The following OSBPL10 variants were observed in gnomAD, a reference collection of about 807,000 sequenced individuals.
OSBPL10 encodes oxysterol binding protein like 10, also known as oxysterol-binding protein-related protein 10.
Under a neutral mutation model 81.7 loss-of-function variants are expected in OSBPL10, and 49 were observed. The observed-to-expected ratio is 0.60, with a 90% CI of 0.48 to 0.76. The LOEUF (loss-of-function observed/expected upper bound fraction) is 0.76, where lower values mean the gene tolerates loss of function less well. OSBPL10 is among the 30% of genes least tolerant of loss of function. The pLI is 0.00. For missense variants in OSBPL10, 923 were observed against 987.8 expected, an observed-to-expected ratio of 0.93 and a Z score of 0.88; for synonymous variants, 419 against 383.6, an observed-to-expected ratio of 1.09 and a Z score of -1.08.
intron 1 of OSBPL10, among the ~76,000 whole-genome samples, chr3:32,052,784 C>A (rs1699678463): frequency 6.6e-6 from 1 of 151,780 alleles, no homozygotes; most frequent in African/African-American, 2.4e-5. Context: ...AGGGGAACAT[C>A]ATACATTGGG....
At chr3:32,011,975 C>T (rs1347109816) in intron 2 of OSBPL10, among the ~76,000 whole-genome samples, 1 of 152,168 alleles carries the variant, frequency 6.6e-6, no homozygotes, top group Non-Finnish European at 1.5e-5. Flanking sequence ...GATTGGTGTA[C>T]CTGAAAGTGA....
chr3:32,037,168 G>C (rs544070079), intron 2 of OSBPL10, among the ~76,000 whole-genome samples: 1 of 152,188 alleles, frequency 6.6e-6, no homozygotes, highest in African/African-American at 2.4e-5. Flanking sequence ...TACGTACCCC[G>C]TGTGACAGAG....
intron 1 of OSBPL10, among the ~76,000 whole-genome samples, chr3:31,927,799 G>A (rs1051424721): frequency 1.4e-4 from 21 of 152,212 alleles, no homozygotes; most frequent in Admixed American, 5.2e-4. Context: ...TAAAACATGC[G>A]TAAAGAGGCT....
intron 5 of OSBPL10, among the ~76,000 whole-genome samples, chr3:31,745,500 A>G (rs950790765): frequency 2.0e-5 from 3 of 152,234 alleles, no homozygotes; most frequent in Non-Finnish European, 4.4e-5. Flanking sequence ...TTTTAAAAAC[A>G]TGTATACATC....
intron 3 of OSBPL10, among the ~76,000 whole-genome samples, chr3:31,864,562 T>C (rs1311524911): frequency 3.3e-5 from 5 of 152,010 alleles, no homozygotes. Context: ...ATATAAAGTA[T>C]ATGAGCTTTA....
chr3:31,998,444 C>T (rs1699112155), intron 2 of OSBPL10, among the ~76,000 whole-genome samples: 2 of 152,118 alleles, frequency 1.3e-5, no homozygotes, highest in Non-Finnish European at 2.9e-5. Context: ...AGATGGTTGT[C>T]CCCCAGCATC....
intron 1 of OSBPL10, among the ~76,000 whole-genome samples, chr3:31,898,418 A>AT (rs1022539780): frequency 1.3e-5 from 2 of 152,080 alleles, no homozygotes; most frequent in Non-Finnish European, 2.9e-5. Flanking sequence ...CATTGAAAAT[A>AT]TTTTTTAAAA....
intron 1 of OSBPL10, among the ~76,000 whole-genome samples, chr3:31,976,987 C>A (rs572241610): frequency 6.6e-6 from 1 of 152,162 alleles, no homozygotes; most frequent in Non-Finnish European, 1.5e-5. Context: ...ATGAGCAACT[C>A]CAAAATAGCT....
chr3:31,880,401 T>TG (rs1695527118), intron 1 of OSBPL10, among the ~76,000 whole-genome samples: 1 of 152,242 alleles, frequency 6.6e-6, no homozygotes, highest in Admixed American at 6.5e-5. Context: ...GGAATCCCCC[T>TG]GCTCTGGGAC....
At chr3:31,871,289 A>T (rs925434160) in intron 3 of OSBPL10, among the ~76,000 whole-genome samples, 1 of 152,080 alleles carries the variant, frequency 6.6e-6, no homozygotes, top group Non-Finnish European at 1.5e-5. Flanking sequence ...GGAGGAAGGA[A>T]CAACTCCAGA....
At chr3:31,930,166 A>AT (rs200571809) in intron 1 of OSBPL10, among the ~76,000 whole-genome samples, 5 of 150,980 alleles carry the variant, frequency 3.3e-5, no homozygotes, top group East Asian at 1.9e-4. Context: ...AAAAAAAAAA[A>AT]TTTTTTTTTA....
At chr3:31,831,425 G>GA (rs957956432) in intron 3 of OSBPL10, among the ~76,000 whole-genome samples, 97 of 149,652 alleles carry the variant, frequency 6.5e-4, no homozygotes, top group Middle Eastern at 3.5e-3. Flanking sequence ...AAAAAGAAAA[G>GA]AAAAAAGAAA....
chr3:31,955,968 G>A (rs905564720), intron 1 of OSBPL10, among the ~76,000 whole-genome samples: 4 of 152,202 alleles, frequency 2.6e-5, no homozygotes, highest in African/African-American at 9.7e-5. Context: ...TTGGCCTCTA[G>A]TGTCACCAGC....
At chr3:32,014,682 T>C (rs1234065876) in intron 2 of OSBPL10, among the ~76,000 whole-genome samples, 1 of 152,196 alleles carries the variant, frequency 6.6e-6, no homozygotes. Context: ...GACATGACTG[T>C]ATATCTAGAA....
chr3:31,990,958 C>T (rs4955217), intron 2 of OSBPL10: 18,518 of 1,573,806 alleles, frequency 0.012, 218 homozygotes, highest in African/African-American at 0.06. Flanking sequence ...ATGTCATAAG[C>T]GTGGCAAGGT....
At chr3:32,062,437 T>C (rs12486245) in intron 1 of OSBPL10, among the ~76,000 whole-genome samples, 55,308 of 93,572 alleles carry the variant, frequency 0.59, 24,007 homozygotes, top group East Asian at 0.84. Context: ...TGGCCCAGTA[T>C]GTTTGTATGG....
chr3:31,981,271 C>G (rs1698836881), upstream of OSBPL10: 7 of 1,298,194 alleles, frequency 5.4e-6, 1 homozygote, highest in South Asian at 1.2e-4. The surrounding 1 kb of genome is among the most constrained non-coding windows in gnomAD (Gnocchi z 4.5). Flanking sequence ...ACGCCCGGGC[C>G]GCGCGTGCCT....
At chr3:32,010,898 G>T (rs1275719597) in intron 2 of OSBPL10, among the ~76,000 whole-genome samples, 2 of 152,206 alleles carry the variant, frequency 1.3e-5, no homozygotes, top group African/African-American at 2.4e-5. Context: ...TGGAGGAGGG[G>T]CGCCCCCCAT....
At chr3:31,839,190 T>A (rs960043288) in intron 3 of OSBPL10, among the ~76,000 whole-genome samples, 1 of 152,170 alleles carries the variant, frequency 6.6e-6, no homozygotes, top group African/African-American at 2.4e-5. Context: ...TCAACACTGA[T>A]TCATTATTAT....
Sources: allele counts gnomAD v4.1 joint callset (sites outside exome capture counted in the v4.1 genomes callset), GRCh38; gene constraint gnomAD v4.1.1; non-coding constraint Gnocchi (gnomAD v3.1); transcripts MANE v1.5; gene names NCBI Gene and HGNC (gene_info 2026-07-23, HGNC 2026-07-21).